Variants in TTLL7 observed in about 807,000 individuals in gnomAD.
TTLL7 encodes tubulin tyrosine ligase like 7, also known as tubulin polyglutamylase TTLL7.
TTLL7 carries 53 observed loss-of-function variants against 120.2 expected under a neutral mutation model. The observed-to-expected ratio is 0.44, with a 90% confidence interval of 0.35 to 0.55. The LOEUF is 0.55. Among genes scored for constraint, TTLL7 ranks in the 20% least tolerant of loss-of-function variants. TTLL7 has a pLI of 0.00. For synonymous variants in TTLL7, 353 were observed against 351.7 expected (o/e 1.00, Z -0.04); for missense variants, 803 against 1,054.7 (o/e 0.76, Z 3.31).
chr1:83,919,333 C>T (rs1374313188), intron 13 of TTLL7, among the ~76,000 whole-genome samples: 3 of 150,846 alleles, frequency 2.0e-5, no homozygotes, highest in Non-Finnish European at 4.4e-5. Context: ...TACATAGCAT[C>T]AAGAAAAAGT....
chr1:83,909,779 T>TC (rs1337206802), intron 15 of TTLL7, among the ~76,000 whole-genome samples: 3 of 152,098 alleles, frequency 2.0e-5, no homozygotes, highest in Non-Finnish European at 4.4e-5. Flanking sequence ...CAAATTTTAC[T>TC]CCAACCTGTC....
At position 83,939,832 on chromosome 1, in the gene TTLL7, T is replaced by C. The variant is rs537813784; in HGVS notation, c.724-1816A>G. On this transcript the variant is annotated intron_variant, in intron 7 of 20. Coordinates refer to ENST00000260505, the MANE Select transcript of TTLL7 (RefSeq NM_024686.6). Reference sequence around the variant, plus strand: ...AATACATGCTCACTATTTTAAAAATTTGAAATAGGAAGAAGGAAAAAATAT... The same window carrying C: ...AATACATGCTCACTATTTTAAAAATCTGAAATAGGAAGAAGGAAAAAATAT... Among the ~76,000 whole-genome samples the C allele has an allele frequency of 2.0e-5, 3 of 152,278 alleles. No individual in the cohort carries two copies. In the South Asian group the frequency reaches 6.2e-4, roughly 32 times the overall value.
intron 16 of TTLL7, among the ~76,000 whole-genome samples, chr1:83,907,127 A>G (rs1208951625): frequency 6.6e-6 from 1 of 152,108 alleles, no homozygotes; most frequent in African/African-American, 2.4e-5. Flanking sequence ...AATTTCCTCA[A>G]ATTTAAAGAT....
chr1:83,994,711 T>TAC (rs1348357469), intron 1 of TTLL7, among the ~76,000 whole-genome samples: 1 of 152,148 alleles, frequency 6.6e-6, no homozygotes, highest in African/African-American at 2.4e-5. Context: ...GTCCCTCCCT[T>TAC]ACACCTTATA....
At chr1:83,939,650 T>C (rs1647747717) in intron 7 of TTLL7, among the ~76,000 whole-genome samples, 1 of 152,144 alleles carries the variant, frequency 6.6e-6, no homozygotes, top group Non-Finnish European at 1.5e-5. Context: ...TATAATAAAT[T>C]GGTGTACACA....
At chr1:83,882,073 C>T (rs1179012531) in intron 20 of TTLL7, among the ~76,000 whole-genome samples, 1 of 118,342 alleles carries the variant, frequency 8.5e-6, no homozygotes, top group Admixed American at 1.2e-4. Context: ...GAACATCACA[C>T]TCTGGGAACT....
At chr1:83,965,417 T>C (rs1571329857) in intron 1 of TTLL7, among the ~76,000 whole-genome samples, 1 of 151,980 alleles carries the variant, frequency 6.6e-6, no homozygotes, top group Non-Finnish European at 1.5e-5. Context: ...GGTGCCTGCT[T>C]CCCCTGCCAC....
intron 20 of TTLL7, chr1:83,880,142 T>A (rs1654315537): frequency 6.6e-6 from 1 of 152,034 alleles, no homozygotes; most frequent in Non-Finnish European, 1.5e-5. Flanking sequence ...TTCTTTTAAA[T>A]CATATAAAAG....
intron 18 of TTLL7, among the ~76,000 whole-genome samples, chr1:83,901,646 C>T (rs1571122320): frequency 6.6e-6 from 1 of 151,914 alleles, no homozygotes; most frequent in East Asian, 1.9e-4. Flanking sequence ...ATGTGTTTTG[C>T]AATCTGCCTC....
At chr1:83,952,431 G>T in intron 1 of TTLL7, 44 bp from the exon 2 acceptor site, 1 of 433,276 alleles carries the variant, frequency 2.3e-6, no homozygotes, top group Non-Finnish European at 4.0e-6. Context: ...AAACTTTTTT[G>T]AATTTTTTTT....
At chr1:83,975,054 A>G (rs779297497) in intron 1 of TTLL7, among the ~76,000 whole-genome samples, 7 of 152,092 alleles carry the variant, frequency 4.6e-5, no homozygotes, top group Non-Finnish European at 1.0e-4. Context: ...ATGATATGAA[A>G]AGTGCTCTGC....
intron 9 of TTLL7, among the ~76,000 whole-genome samples, 190 bp from the exon 10 acceptor site, chr1:83,929,420 T>C (rs537600213): frequency 5.7e-4 from 87 of 152,286 alleles, no homozygotes; most frequent in African/African-American, 1.8e-3. Flanking sequence ...TTGCAAGGGA[T>C]TGACTATTAG....
chr1:83,917,796 A>C, intron 13 of TTLL7, 106 bp from the exon 14 acceptor site: 1 of 736,046 alleles, frequency 1.4e-6, no homozygotes, highest in Non-Finnish European at 2.3e-6. Flanking sequence ...TCCTGAAATT[A>C]TTTAGTGAAG....
intron 7 of TTLL7, among the ~76,000 whole-genome samples, chr1:83,939,426 AC>A (rs756078873): frequency 6.6e-6 from 1 of 152,166 alleles, no homozygotes; most frequent in Non-Finnish European, 1.5e-5. Context: ...AAGTAAGGGA[AC>A]TTTGCATTTT....
intron 18 of TTLL7, among the ~76,000 whole-genome samples, chr1:83,892,782 A>ATATATGAACGCATATGTGAACATT (rs1655802493): frequency 6.7e-6 from 1 of 150,358 alleles, no homozygotes. Flanking sequence ...ATGTGAACAT[A>ATATATGAACGCATATGTGAACATT]TATATGAACG....
intron 19 of TTLL7, among the ~76,000 whole-genome samples, chr1:83,886,494 T>A (rs2100717512): frequency 6.6e-6 from 1 of 152,160 alleles, no homozygotes; most frequent in Admixed American, 6.6e-5. Flanking sequence ...GAGATTCACA[T>A]CATTTTAAGT....
chr1:83,949,756 T>C, intron 4 of TTLL7, 109 bp downstream of exon 4: 1 of 1,234,750 alleles, frequency 8.1e-7, no homozygotes, highest in East Asian at 2.4e-5. Flanking sequence ...TTCAGGTGAG[T>C]AAGAGCTGAA....
At chr1:83,909,519 G>A (rs923263081) in intron 15 of TTLL7, among the ~76,000 whole-genome samples, 1 of 151,828 alleles carries the variant, frequency 6.6e-6, no homozygotes, top group African/African-American at 2.4e-5. Context: ...TGGCTGAAAT[G>A]TTCCTTAATG....
intron 1 of TTLL7, among the ~76,000 whole-genome samples, chr1:83,995,988 C>G (rs1229298830): frequency 6.6e-6 from 1 of 151,708 alleles, no homozygotes; most frequent in Non-Finnish European, 1.5e-5. Flanking sequence ...TAAATGAAAA[C>G]TAAAGTTATA....
Sources: gnomAD v4.1 joint callset for allele counts (sites outside exome capture counted in the v4.1 genomes callset) on GRCh38, gnomAD v4.1.1 for gene constraint, MANE v1.5 for transcripts, NCBI Gene and HGNC (gene_info 2026-07-23, HGNC 2026-07-21) for gene names.